The following LARGE1 variants were observed in gnomAD, a reference collection of about 807,000 sequenced individuals.
The protein encoded by LARGE1 is xylosyl- and glucuronyltransferase LARGE1.
In LARGE1, 43 loss-of-function variants were observed where a neutral mutation model predicts 87.6. The ratio of observed to expected loss-of-function variants is 0.49; its 90% CI spans 0.38 to 0.63. LARGE1 has a LOEUF of 0.63. LARGE1 is among the 30% of genes least tolerant of loss of function. The pLI, the probability that LARGE1 is intolerant of heterozygous loss-of-function variation, is 0.00. For missense variants in LARGE1, 802 were observed against 1,000.2 expected (o/e 0.80, Z 2.67); for synonymous variants, 434 against 394.6 (o/e 1.10, Z -1.18).
chr22:33,882,231 C>T (rs964065874), intron 1 of LARGE1, among the ~76,000 whole-genome samples: 9 of 152,126 alleles, frequency 5.9e-5, no homozygotes, highest in African/African-American at 2.2e-4. Flanking sequence ...GGGGTTTCAT[C>T]GTGTTAGCCA....
chr22:33,498,129 T>C (rs1273278832), intron 6 of LARGE1, among the ~76,000 whole-genome samples: 1 of 152,020 alleles, frequency 6.6e-6, no homozygotes, highest in Non-Finnish European at 1.5e-5. Context: ...AAGTGATCCA[T>C]CCACCTCGGC....
chr22:33,345,444 G>A (rs1487841825), intron 9 of LARGE1, among the ~76,000 whole-genome samples: 1 of 152,218 alleles, frequency 6.6e-6, no homozygotes, highest in East Asian at 1.9e-4. Flanking sequence ...TACTAAGGCT[G>A]CAGGATGATT....
downstream of LARGE1, among the ~76,000 whole-genome samples, chr22:33,157,986 G>C (rs2146112224): frequency 6.6e-6 from 1 of 152,092 alleles, no homozygotes; most frequent in East Asian, 1.9e-4. Flanking sequence ...ACCAAAAATA[G>C]TAAATTTGCA....
intron 6 of LARGE1, among the ~76,000 whole-genome samples, chr22:33,524,890 C>T (rs2071806113): frequency 6.6e-6 from 1 of 152,144 alleles, no homozygotes; most frequent in African/African-American, 2.4e-5. Flanking sequence ...AATTAATCTC[C>T]AGATGGCAAA....
intron 1 of LARGE1, among the ~76,000 whole-genome samples, chr22:33,804,486 G>T (rs2086252110): frequency 6.6e-6 from 1 of 152,146 alleles, no homozygotes; most frequent in Admixed American, 6.6e-5. Flanking sequence ...TGCTTGAGAC[G>T]CACATATCAA....
At chr22:33,341,736 C>T (rs916165903) in intron 9 of LARGE1, among the ~76,000 whole-genome samples, 1 of 152,184 alleles carries the variant, frequency 6.6e-6, no homozygotes, top group Non-Finnish European at 1.5e-5. Flanking sequence ...CTTTACTTAG[C>T]TGTGTGTGTC....
At chr22:33,258,626 T>G (rs2145738740) in intron 11 of LARGE1, among the ~76,000 whole-genome samples, 1 of 152,324 alleles carries the variant, frequency 6.6e-6, no homozygotes, top group South Asian at 2.1e-4. Flanking sequence ...AACCCAGACT[T>G]GGGAGTGTCC....
intron 11 of LARGE1, among the ~76,000 whole-genome samples, chr22:33,184,011 CA>C (rs1029586959): frequency 6.1e-5 from 9 of 146,606 alleles, no homozygotes; most frequent in Non-Finnish European, 1.2e-4. Context: ...GTGTCCTCAC[CA>C]ACCCTAACCC....
At chr22:33,222,440 C>T (rs930800467) in intron 11 of LARGE1, among the ~76,000 whole-genome samples, 2 of 152,176 alleles carry the variant, frequency 1.3e-5, no homozygotes, top group Non-Finnish European at 2.9e-5. Flanking sequence ...AAAAATATGT[C>T]TATATCCTAA....
intron 1 of LARGE1, 30 bp downstream of exon 1, chr22:33,919,964 CG>C (rs1480814931): frequency 6.6e-5 from 10 of 152,294 alleles, no homozygotes; most frequent in African/African-American, 2.4e-4. Flanking sequence ...ACGGCGCCCC[CG>C]CGGCGACTCT....
chr22:33,650,883 T>C (rs1421263519), intron 2 of LARGE1, among the ~76,000 whole-genome samples: 1 of 152,178 alleles, frequency 6.6e-6, no homozygotes, highest in Admixed American at 6.5e-5. Context: ...TAAAAGCTAA[T>C]ATGCCTTTTA....
intron 9 of LARGE1, among the ~76,000 whole-genome samples, chr22:33,342,865 A>T (rs1939315646): frequency 6.6e-6 from 1 of 152,210 alleles, no homozygotes; most frequent in Non-Finnish European, 1.5e-5. Flanking sequence ...GCTCCCTCTG[A>T]TCGGCAAGCC....
At chr22:33,553,003 T>TA (rs1254601165) in intron 6 of LARGE1, among the ~76,000 whole-genome samples, 1 of 152,208 alleles carries the variant, frequency 6.6e-6, no homozygotes, top group Non-Finnish European at 1.5e-5. Flanking sequence ...CCCACTGAGA[T>TA]ACACGGCCAG....
chr22:33,400,209 TA>T (rs908613182), intron 7 of LARGE1, among the ~76,000 whole-genome samples: 33 of 152,234 alleles, frequency 2.2e-4, no homozygotes, highest in African/African-American at 8.0e-4. Context: ...CAGTAGTTAT[TA>T]AAAACTCTCC....
chr22:33,231,049 GAATTA>G (rs1162879272), intron 11 of LARGE1, among the ~76,000 whole-genome samples: 1 of 152,158 alleles, frequency 6.6e-6, no homozygotes. Context: ...TAATAACTAT[GAATTA>G]AATAAATATT....
In LARGE1 at chr22:33,573,245, C is replaced by T. The variant is rs61110777; in HGVS notation, c.616-8226G>A. Among the ~76,000 whole-genome samples the T allele has an allele frequency of 4.4e-3, 675 of 152,214 alleles. 4 individuals are homozygous for T. Among genetic ancestry groups the T allele is most frequent in the African/African-American group, 0.015 (642 of 41,532 alleles). ...CCTGAGGTCAGGAGTTCAAGACCAG[C>T]CTGGCCAACATGGTGAAAAACCATC... On this transcript the variant is annotated intron_variant, in intron 5 of 14. Transcript: ENST00000397394.
intron 4 of LARGE1, among the ~76,000 whole-genome samples, chr22:33,609,611 G>A (rs1371362646): frequency 6.6e-6 from 1 of 152,178 alleles, no homozygotes; most frequent in East Asian, 1.9e-4. Flanking sequence ...CTGACATATG[G>A]ATTTTTTTCA....
At chr22:33,467,639 C>T (rs887402246) in intron 6 of LARGE1, among the ~76,000 whole-genome samples, 5 of 152,136 alleles carry the variant, frequency 3.3e-5, no homozygotes, top group East Asian at 1.9e-4. Flanking sequence ...TTCAACCCTG[C>T]GATATTTCAT....
chr22:33,742,784 C>T (rs1273238530), intron 2 of LARGE1, among the ~76,000 whole-genome samples: 1 of 152,132 alleles, frequency 6.6e-6, no homozygotes, highest in South Asian at 2.1e-4. Flanking sequence ...CAAATAATGT[C>T]TTTTTTTAAT....
Sources: gnomAD v4.1 joint callset for allele counts (sites outside exome capture counted in the v4.1 genomes callset) on GRCh38, gnomAD v4.1.1 for gene constraint, MANE v1.5 for transcripts, NCBI Gene and HGNC (gene_info 2026-07-23, HGNC 2026-07-21) for gene names.